The following THEMIS variants were observed in gnomAD, a reference collection of about 807,000 sequenced individuals.
THEMIS encodes thymocyte selection associated, also known as protein THEMIS.
A neutral mutation model predicts 52.6 loss-of-function variants in THEMIS; 37 were observed. That is an observed-to-expected ratio of 0.70 (90% CI 0.54 to 0.93). The LOEUF (loss-of-function observed/expected upper bound fraction) is 0.93, where lower values mean the gene tolerates loss of function less well. Among genes scored for constraint, THEMIS ranks in the 40% least tolerant of loss-of-function variants. The probability of loss-of-function intolerance (pLI) is 0.00; values close to 1 mark genes in which losing one functional copy is unlikely to be tolerated. For missense variants in THEMIS, 808 were observed against 763.1 expected (o/e 1.06, Z -0.69); for synonymous variants, 292 against 272.7 (o/e 1.07, Z -0.70).
At chr6:127,792,172 G>C (rs1777180768) in intron 4 of THEMIS, among the ~76,000 whole-genome samples, 1 of 152,214 alleles carries the variant, frequency 6.6e-6, no homozygotes, top group Admixed American at 6.5e-5. Context: ...GCCACTCAAG[G>C]TGGGCCGCCG....
At chr6:127,835,328 GCTTGACAATTCCTATTAGC>G (rs1778840541) in intron 2 of THEMIS, among the ~76,000 whole-genome samples, 1 of 152,126 alleles carries the variant, frequency 6.6e-6, no homozygotes, top group African/African-American at 2.4e-5. Context: ...TAAGATTATG[GCTTGACAATTCCTATTAGC>G]CTGGGTTTTA....
chr6:127,776,352 T>C (rs1007444083), intron 4 of THEMIS, among the ~76,000 whole-genome samples: 1 of 152,192 alleles, frequency 6.6e-6, no homozygotes, highest in Non-Finnish European at 1.5e-5. Flanking sequence ...ATCTCATCTC[T>C]GAAATTAGGT....
chr6:127,823,876 G>T (rs1211478843), intron 3 of THEMIS, among the ~76,000 whole-genome samples: 2 of 152,078 alleles, frequency 1.3e-5, no homozygotes, highest in Non-Finnish European at 2.9e-5. Context: ...GAATCTAAAA[G>T]ATATCTGCAA....
At chr6:127,836,493 A>G (rs374207235) in intron 2 of THEMIS, among the ~76,000 whole-genome samples, 38 of 152,318 alleles carry the variant, frequency 2.5e-4, no homozygotes, top group African/African-American at 9.1e-4. Context: ...CCATGGTTAT[A>G]CAAAACAATT....
At chr6:127,787,734 C>A (rs1777000625) in intron 4 of THEMIS, among the ~76,000 whole-genome samples, 1 of 151,936 alleles carries the variant, frequency 6.6e-6, no homozygotes, top group South Asian at 2.1e-4. Context: ...GGAATGACAT[C>A]TGTATTATCT....
At chr6:127,871,848 CA>C (rs1284030428) in intron 1 of THEMIS, among the ~76,000 whole-genome samples, 5 of 152,078 alleles carry the variant, frequency 3.3e-5, no homozygotes, top group African/African-American at 9.7e-5. Flanking sequence ...CTGATTGTTT[CA>C]CTGGAAACAA....
intron 4 of THEMIS, among the ~76,000 whole-genome samples, chr6:127,810,243 C>T (rs1368506899): frequency 6.6e-6 from 1 of 151,672 alleles, no homozygotes; most frequent in Non-Finnish European, 1.5e-5. Flanking sequence ...TGGTAGTGGA[C>T]ATCTATTATT....
At chr6:127,871,497 A>AAT (rs1780156480) in intron 1 of THEMIS, among the ~76,000 whole-genome samples, 1 of 152,022 alleles carries the variant, frequency 6.6e-6, no homozygotes, top group South Asian at 2.1e-4. Context: ...AACAGAAAAA[A>AAT]ATAAAGAAAA....
chr6:127,813,895 T>C lies in THEMIS; in HGVS notation c.746A>G (p.Asp249Gly). ...ATCAGTGATGTCTTTGACTTCGACA[T>C]CTAGACTGGGGAGGATGCGGATTAT... Reference protein sequence around the residue: ...KDIIRILPSLDVEVKDITDSY... With the variant: ...KDIIRILPSLGVEVKDITDSY... Residue 249 changes from aspartate to glycine, a missense_variant, in exon 4 of 6, where the codon GAT becomes GGT. Physicochemically the swap from Asp to Gly is moderately conservative, Grantham distance 94 (BLOSUM62 -1). Transcript: ENST00000368248. The C allele has an allele frequency of 3.1e-6, 5 of 1,597,656 alleles. No individual in the cohort carries two copies. The highest frequency in any genetic ancestry group is 4.3e-6 in the Non-Finnish European group (5 of 1,174,404).
In THEMIS at chr6:127,829,693, A is replaced by G. The variant is rs373233584; in HGVS notation, c.492T>C (p.Asn164=). ...VARNHQTHSF[N]LPLSQEGEFY... is the part of the protein sequence containing the mutation. ...ATTCTCCTTCTTGTGACAAAGGCAA[A>G]TTAAATGAGTGAGTTTGATGATTCC... is the stretch of plus-strand genomic sequence containing the variant. The change falls in exon 3 of 6, where the codon AAT becomes AAC. Residue 164 remains asparagine, a synonymous_variant. Coordinates refer to ENST00000368248, the MANE Select transcript of THEMIS (RefSeq NM_001010923.3). 8.1e-6 allele frequency: 13 copies of G among 1,613,988 alleles called. No homozygotes were observed. The Admixed American group carries it at 8.3e-5, about 10-fold the overall frequency.
intron 1 of THEMIS, among the ~76,000 whole-genome samples, chr6:127,869,794 TC>T (rs1321380401): frequency 6.6e-6 from 1 of 152,158 alleles, no homozygotes; most frequent in African/African-American, 2.4e-5. Flanking sequence ...GAAAGGAACA[TC>T]CTATACAACA....
intron 1 of THEMIS, among the ~76,000 whole-genome samples, chr6:127,895,974 A>G (rs1780954376): frequency 6.6e-6 from 1 of 151,516 alleles, no homozygotes; most frequent in African/African-American, 2.4e-5. Context: ...AAAAAAAAAT[A>G]GTAAGCCAAA....
chr6:127,900,823 G>A lies in THEMIS; in HGVS notation c.91+19C>T, dbSNP rs1188030093. On this transcript the variant is annotated intron_variant, in intron 1 of 5. Transcript: ENST00000368248. The stretch of plus-strand genomic sequence containing the variant: ...TTACAAGAATGTTCTAGCCAGTAAA[G>A]GTATTGGAGAGTGCTTACCTTCAAG... The A allele has an allele frequency of 3.8e-6, 6 of 1,599,466 alleles. No homozygotes were observed. The highest frequency in any genetic ancestry group is 5.1e-6 in the Non-Finnish European group (6 of 1,167,206).
chr6:127,875,404 C>T (rs1780284626), intron 1 of THEMIS, among the ~76,000 whole-genome samples: 1 of 152,198 alleles, frequency 6.6e-6, no homozygotes, highest in Admixed American at 6.5e-5. Flanking sequence ...TAGAAACCCC[C>T]AAACTGCAGA....
At chr6:127,885,407 C>T (rs555234754) in intron 1 of THEMIS, among the ~76,000 whole-genome samples, 19 of 152,186 alleles carry the variant, frequency 1.2e-4, no homozygotes, top group African/African-American at 4.1e-4. Context: ...GAGTTATACT[C>T]TCCCCAGTGT....
At chr6:127,861,834 A>C (rs270040) in intron 1 of THEMIS, among the ~76,000 whole-genome samples, 2,329 of 151,440 alleles carry the variant, frequency 0.015, 51 homozygotes, top group African/African-American at 0.052. Flanking sequence ...AAAAAGAAAG[A>C]AAGAAAGGAA....
chr6:127,809,231 T>C lies in THEMIS; in HGVS notation c.1758+3652A>G, dbSNP rs143950751. ...ATCTTAGAGGCTGTTTTTTAATGGC[T>C]GATTCCTACCTATGAAGTATAAAAA... is the stretch of plus-strand genomic sequence containing the variant. On this transcript the variant is annotated intron_variant, in intron 4 of 5. Coordinates refer to ENST00000368248, the MANE Select transcript of THEMIS (RefSeq NM_001010923.3). Among the ~76,000 whole-genome samples the C allele has an allele frequency of 1.1e-3, 163 of 152,314 alleles. 1 individual carries two copies. Among genetic ancestry groups the C allele is most frequent in the African/African-American group, 3.9e-3 (161 of 41,586 alleles).
chr6:127,890,370 T>A (rs1780767771), intron 1 of THEMIS, among the ~76,000 whole-genome samples: 1 of 152,152 alleles, frequency 6.6e-6, no homozygotes, highest in Non-Finnish European at 1.5e-5. Flanking sequence ...TCATATGTGG[T>A]AGCTAAAAAT....
chr6:127,806,208 T>C (rs1328864825), intron 4 of THEMIS, among the ~76,000 whole-genome samples: 1 of 152,190 alleles, frequency 6.6e-6, no homozygotes, highest in Non-Finnish European at 1.5e-5. Context: ...AAAACTATTC[T>C]AATTTTCTTA....
Sources: gnomAD v4.1 joint callset for allele counts (sites outside exome capture counted in the v4.1 genomes callset) on GRCh38, gnomAD v4.1.1 for gene constraint, MANE v1.5 for transcripts, NCBI Gene and HGNC (gene_info 2026-07-23, HGNC 2026-07-21) for gene names.